The following HSPA12B variants were observed in gnomAD, a reference collection of about 807,000 sequenced individuals.
The protein encoded by HSPA12B is heat shock protein family A (Hsp70) member 12B.
In HSPA12B, 54 loss-of-function variants were observed where a neutral mutation model predicts 69.3. The observed-to-expected ratio is 0.78, with a 90% confidence interval of 0.63 to 0.98. The LOEUF is 0.98. Among genes scored for constraint, HSPA12B ranks in the 50% least tolerant of loss-of-function variants. The pLI, the probability that HSPA12B is intolerant of heterozygous loss-of-function variation, is 0.00. For synonymous variants in HSPA12B, 441 were observed against 436.5 expected, an observed-to-expected ratio of 1.01 and a Z score of -0.13; for missense variants, 929 against 999.8, an observed-to-expected ratio of 0.93 and a Z score of 0.96.
chr20:3,750,991 C>T (rs2088410113), intron 12 of HSPA12B, 84 bp downstream of exon 12: 10 of 1,132,694 alleles, frequency 8.8e-6, no homozygotes, highest in Non-Finnish European at 1.3e-5. Context: ...TGCCTAGATA[C>T]CTCCACACAT....
chr20:3,746,070 A>G, intron 7 of HSPA12B, 39 bp downstream of exon 7: 1 of 1,496,992 alleles, frequency 6.7e-7, no homozygotes, highest in South Asian at 1.1e-5. Context: ...ACTGCTCAGG[A>G]AGGGCCAGGC....
intron 3 of HSPA12B, among the ~76,000 whole-genome samples, chr20:3,741,970 G>A (rs548631228): frequency 3.4e-4 from 52 of 151,214 alleles, no homozygotes; most frequent in African/African-American, 1.2e-3. Context: ...GGCTGCCTAT[G>A]AAGATGGTGT....
chr20:3,748,170 G>A (rs775771156), intron 7 of HSPA12B, 47 bp from the exon 8 acceptor site: 14 of 1,439,514 alleles, frequency 9.7e-6, no homozygotes, highest in Non-Finnish European at 1.3e-5. Context: ...CATCTTAGGT[G>A]TGACAGCCCA....
At position 3,740,584 on chromosome 20, in the gene HSPA12B, G is replaced by T. The variant is rs946498568; in HGVS notation, c.44-231G>T. ...TAGTGGGGAGACAGTGAGCTCCTGG[G>T]GAAAGCATGGGTCATCTGCTAGGGA... On this transcript the variant is annotated intron_variant, in intron 2 of 12. Coordinates refer to ENST00000254963, the MANE Select transcript of HSPA12B (RefSeq NM_052970.5). The surrounding 1 kb of genome is among the most constrained non-coding windows in gnomAD (Gnocchi z 4.9). Among the ~76,000 whole-genome samples the T allele has an allele frequency of 1.3e-5, 2 of 152,292 alleles. No individual in the cohort carries two copies. The highest frequency in any genetic ancestry group is 4.8e-5 in the African/African-American group (2 of 41,552).
intron 11 of HSPA12B, 71 bp downstream of exon 11, chr20:3,750,298 G>A: frequency 1.4e-6 from 2 of 1,435,546 alleles, no homozygotes; most frequent in African/African-American, 1.4e-5. Flanking sequence ...GAGGGTCCCG[G>A]GCCCCAAGGA....
In HSPA12B at chr20:3,740,737, T is replaced by C. The variant is rs1356074295; in HGVS notation, c.44-78T>C. ...GCCCAGCAAGGACTGATGGAGAACC[T>C]TTGGGTGCCTGGCTTGGGGCCCCGC... On this transcript the variant is annotated intron_variant, in intron 2 of 12. Transcript: ENST00000254963. This position sits in a 1 kb window ranked among gnomAD's most constrained non-coding sequence, Gnocchi z 4.9. 4 of 1,141,670 alleles carry C rather than the reference T, an allele frequency of 3.5e-6. No individual in the cohort carries two copies. Among genetic ancestry groups the C allele is most frequent in the Non-Finnish European group, 3.9e-6 (3 of 772,366 alleles). 70.7% of individuals were successfully genotyped at this position (1,141,670 alleles called of 1,614,324 possible). A position where few individuals can be genotyped will look rare whatever the true frequency, so the allele number is the denominator to read the frequency against.
Position 3,752,237 on chromosome 20 carries a change from G to C in HSPA12B, c.*71G>C, listed in dbSNP as rs2088441308. Reference sequence around the variant, plus strand: ...CTTTCGGTTCAGGGGCCTGCGGAGCGGGTTGGGGCGGGGGAAACGATAGTT... The same window carrying C: ...CTTTCGGTTCAGGGGCCTGCGGAGCCGGTTGGGGCGGGGGAAACGATAGTT... On this transcript the variant is annotated 3_prime_UTR_variant, in exon 13 of 13. Transcript: ENST00000254963. The C allele has an allele frequency of 7.4e-7, 1 of 1,343,702 alleles. No individual in the cohort carries two copies. Among genetic ancestry groups the C allele is most frequent in the African/African-American group, 1.5e-5 (1 of 64,784 alleles). 83.2% of individuals were successfully genotyped at this position (1,343,702 alleles called of 1,614,324 possible). A position where few individuals can be genotyped will look rare whatever the true frequency, so the allele number is the denominator to read the frequency against.
At chr20:3,738,312 C>T (rs2088140015) in intron 1 of HSPA12B, among the ~76,000 whole-genome samples, 1 of 152,198 alleles carries the variant, frequency 6.6e-6, no homozygotes, top group African/African-American at 2.4e-5. Context: ...CACTATCTCC[C>T]AGCACCTGGC....
At chr20:3,742,227 TG>T in intron 3 of HSPA12B, 56 bp from the exon 4 acceptor site, 3 of 1,592,854 alleles carry the variant, frequency 1.9e-6, no homozygotes, top group East Asian at 2.2e-5. Flanking sequence ...ATTGGGGCTG[TG>T]GGGGATGGGG....
rs1229963734 is a variant in HSPA12B, at chr20:3,745,543, C to T, written c.504C>T (p.Pro168=). 2 of 1,614,022 alleles carry T rather than the reference C, an allele frequency of 1.2e-6. No homozygotes were observed. The highest frequency in any genetic ancestry group is 2.2e-5 in the East Asian group (1 of 44,884). ...QLEAVNGKTM[P]ALEVFAHALR... ...AGGCAGTAAATGGAAAGACGATGCC[C>T]GCCCTGGAGGTGTTCGCCCATGCCC... is the stretch of plus-strand genomic sequence containing the variant. Residue 168 remains proline, a synonymous_variant, in exon 6 of 13, where the codon CCC becomes CCT. Coordinates refer to ENST00000254963, the MANE Select transcript of HSPA12B (RefSeq NM_052970.5). The surrounding 1 kb of genome is among the most constrained non-coding windows in gnomAD (Gnocchi z 5.6).
Position 3,740,700 on chromosome 20 carries a change from C to A in HSPA12B, c.44-115C>A. 1.3e-6 allele frequency: 1 copy of A among 773,958 alleles called. No individual in the cohort carries two copies. The highest frequency in any genetic ancestry group is 2.2e-6 in the Non-Finnish European group (1 of 451,014). The allele number at this position is 773,958 out of a possible 1,614,324, so 47.9% of individuals were successfully genotyped here. Reference sequence around the variant, plus strand: ...CGCAGTCCTCCTCCCCAGCAGAGAGCCCTTTGCCTTAGCCCAGCAAGGACT... The same window carrying A: ...CGCAGTCCTCCTCCCCAGCAGAGAGACCTTTGCCTTAGCCCAGCAAGGACT... On this transcript the variant is annotated intron_variant, in intron 2 of 12. Transcript: ENST00000254963. The surrounding 1 kb of genome is among the most constrained non-coding windows in gnomAD (Gnocchi z 4.9).
At chr20:3,750,297 G>C (rs553187145) in intron 11 of HSPA12B, 70 bp downstream of exon 11, 1 of 1,433,776 alleles carries the variant, frequency 7.0e-7, no homozygotes. Flanking sequence ...GGAGGGTCCC[G>C]GGCCCCAAGG....
chr20:3,747,397 C>T (rs2088325747), intron 7 of HSPA12B, among the ~76,000 whole-genome samples: 1 of 152,178 alleles, frequency 6.6e-6, no homozygotes, highest in Non-Finnish European at 1.5e-5. Context: ...AGGCTGTCCC[C>T]AGCCAGAACA....
chr20:3,739,258 G>C (rs1192733084), intron 2 of HSPA12B, among the ~76,000 whole-genome samples: 1 of 151,696 alleles, frequency 6.6e-6, no homozygotes, highest in Non-Finnish European at 1.5e-5. Context: ...GTTTTGTTCA[G>C]GCCATGTGCA....
At position 3,737,741 on chromosome 20, in the gene HSPA12B, GC is replaced by G. The variant is rs1284778260; in HGVS notation, c.-17-915del. 1.3e-5 allele frequency among the ~76,000 whole-genome samples: 2 copies of G among 152,208 alleles called. No homozygotes were observed. The highest frequency in any genetic ancestry group is 2.9e-5 in the Non-Finnish European group (2 of 68,044). On this transcript the variant is annotated intron_variant, in intron 1 of 12. Coordinates refer to ENST00000254963, the MANE Select transcript of HSPA12B (RefSeq NM_052970.5). The surrounding 1 kb of genome is among the most constrained non-coding windows in gnomAD (Gnocchi z 4.1). ...ACGAAGGCCAGGCACGGTGGCTCATGCCTGTAATCCCAGCACTTTGAGAGGC... is the reference window on the plus strand; with the variant it reads ...ACGAAGGCCAGGCACGGTGGCTCATGCTGTAATCCCAGCACTTTGAGAGGC...
chr20:3,751,360 G>A, intron 12 of HSPA12B, 151 bp from the exon 13 acceptor site: 1 of 1,345,768 alleles, frequency 7.4e-7, no homozygotes, highest in Non-Finnish European at 9.5e-7. Flanking sequence ...CTCAAAGAAA[G>A]TGCTCAAATG....
Position 3,745,646 on chromosome 20 carries a change from T to C in HSPA12B, c.558+49T>C, listed in dbSNP as rs915305123. The C allele has an allele frequency of 7.8e-6, 12 of 1,537,442 alleles. No individual in the cohort carries two copies. Among genetic ancestry groups the C allele is most frequent in the Non-Finnish European group, 9.9e-6 (11 of 1,113,546 alleles). On this transcript the variant is annotated intron_variant, in intron 6 of 12. Transcript: ENST00000254963. The surrounding 1 kb of genome is among the most constrained non-coding windows in gnomAD (Gnocchi z 5.6). ...CGACTGTGGCAGGGACCCCCTATTT[T>C]CCCCTCATCCGAAACCGCTCCCCCA...
In HSPA12B at chr20:3,749,634, C is replaced by G. The variant is rs2088372336; in HGVS notation, c.938-116C>G. 2.7e-6 allele frequency: 2 copies of G among 753,372 alleles called. No homozygotes were observed. The highest frequency in any genetic ancestry group is 2.7e-5 in the East Asian group (1 of 36,536). 46.7% of individuals were successfully genotyped at this position (753,372 alleles called of 1,614,324 possible). ...AAGCCCCTCACGTCCCTCCCCCGACCCTGCAGACAGGCCTTGGGACCCGGG... is the reference window on the plus strand; with the variant it reads ...AAGCCCCTCACGTCCCTCCCCCGACGCTGCAGACAGGCCTTGGGACCCGGG... On this transcript the variant is annotated intron_variant, in intron 9 of 12. Transcript: ENST00000254963. This position sits in a 1 kb window ranked among gnomAD's most constrained non-coding sequence, Gnocchi z 5.5.
chr20:3,739,245 T>A (rs2088158323), intron 2 of HSPA12B, among the ~76,000 whole-genome samples: 1 of 149,950 alleles, frequency 6.7e-6, no homozygotes, highest in Non-Finnish European at 1.5e-5. Flanking sequence ...TGAATGTCCA[T>A]GTGTTTTGTT....
Sources: allele counts gnomAD v4.1 joint callset (sites outside exome capture counted in the v4.1 genomes callset), GRCh38; gene constraint gnomAD v4.1.1; non-coding constraint Gnocchi (gnomAD v3.1); transcripts MANE v1.5; gene names NCBI Gene and HGNC (gene_info 2026-07-23, HGNC 2026-07-21).